Variants in RTN1 observed in about 807,000 individuals in gnomAD.
RTN1 encodes reticulon 1, also known as reticulon-1.
In RTN1, 25 loss-of-function variants were observed where a neutral mutation model predicts 65.5. The observed-to-expected ratio is 0.38, with a 90% CI of 0.28 to 0.53. The LOEUF (loss-of-function observed/expected upper bound fraction) is 0.53. RTN1 is among the 20% of genes least tolerant of loss of function. The probability of loss-of-function intolerance (pLI) is 0.79; values close to 1 mark genes in which losing one functional copy is unlikely to be tolerated. For missense variants in RTN1, 983 were observed against 1,025.4 expected, an observed-to-expected ratio of 0.96 and a Z score of 0.57; for synonymous variants, 471 against 447.6, an observed-to-expected ratio of 1.05 and a Z score of -0.66.
intron 3 of RTN1, among the ~76,000 whole-genome samples, chr14:59,639,196 A>G (rs1309074169): frequency 6.6e-6 from 1 of 152,226 alleles, no homozygotes; most frequent in Non-Finnish European, 1.5e-5. Flanking sequence ...GCCATCTTCT[A>G]TAGGTGCAGT....
Position 59,870,449 on chromosome 14 carries a change from C to A in RTN1, c.182G>T (p.Arg61Leu). The change falls in exon 1 of 9, where the codon CGG becomes CTG. Residue 61 changes from arginine to leucine, a missense_variant. By Grantham distance (102) the Arg-to-Leu change is moderately radical. Around this residue, in one of 2 missense-constraint regions of RTN1, gnomAD observed 818 missense variants for 801.8 expected, o/e 1.02. Transcript: ENST00000267484. This position sits in a 1 kb window ranked among gnomAD's most constrained non-coding sequence, Gnocchi z 5.1. ...CCGGGCGGGGCCCGAGCCGGCTTCCCGCGACGCCGCTTCCCGGGCCCTGGC... is the reference window on the plus strand; with the variant it reads ...CCGGGCGGGGCCCGAGCCGGCTTCCAGCGACGCCGCTTCCCGGGCCCTGGC... ...LGARAREAAS[R>L]EAGSGPARQS... The A allele has an allele frequency of 2.0e-6, 3 of 1,505,150 alleles. No homozygotes were observed. The highest frequency in any genetic ancestry group is 5.5e-5 in the East Asian group (2 of 36,144). The allele number at this position is 1,505,150 out of a possible 1,614,324, so 93.2% of individuals were successfully genotyped here.
chr14:59,662,281 C>G (rs1010654286), intron 3 of RTN1, among the ~76,000 whole-genome samples: 7 of 151,470 alleles, frequency 4.6e-5, no homozygotes, highest in Admixed American at 2.0e-4. Flanking sequence ...ATTTACATTA[C>G]GTATATCTCC....
intron 3 of RTN1, among the ~76,000 whole-genome samples, chr14:59,607,853 T>C (rs1881813563): frequency 6.6e-6 from 1 of 151,422 alleles, no homozygotes. Flanking sequence ...GAAGTACCAC[T>C]TCACTCCACT....
At chr14:59,717,569 C>T (rs866920128) in intron 3 of RTN1, among the ~76,000 whole-genome samples, 8 of 152,130 alleles carry the variant, frequency 5.3e-5, no homozygotes, top group African/African-American at 9.7e-5. Flanking sequence ...TCCTCTGTGT[C>T]GCCACCATAT....
chr14:59,829,548 T>C lies in RTN1; in HGVS notation c.241+40842A>G, dbSNP rs1887090392. On this transcript the variant is annotated intron_variant, in intron 1 of 8. Coordinates refer to ENST00000267484, the MANE Select transcript of RTN1 (RefSeq NM_021136.3). This position sits in a 1 kb window ranked among gnomAD's most constrained non-coding sequence, Gnocchi z 4.3. Reference sequence around the variant, plus strand: ...CAACTTCCTGTAAATCTATACTTACTGCACATTAAAAATATAAATAGATGG... The same window carrying C: ...CAACTTCCTGTAAATCTATACTTACCGCACATTAAAAATATAAATAGATGG... Among the ~76,000 whole-genome samples the C allele has an allele frequency of 6.6e-6, 1 of 152,250 alleles. No individual in the cohort carries two copies. The highest frequency in any genetic ancestry group is 6.5e-5 in the Admixed American group (1 of 15,288).
At chr14:59,631,866 G>C (rs1364782223) in intron 3 of RTN1, among the ~76,000 whole-genome samples, 2 of 152,104 alleles carry the variant, frequency 1.3e-5, no homozygotes, top group African/African-American at 2.4e-5. Flanking sequence ...TCATCTTGTG[G>C]CATGGCCTTA....
intron 1 of RTN1, among the ~76,000 whole-genome samples, chr14:59,785,090 T>C (rs148837453): frequency 6.6e-6 from 1 of 152,194 alleles, no homozygotes; most frequent in African/African-American, 2.4e-5. Context: ...ACTGGATAAA[T>C]CCCACAGTAG....
intron 3 of RTN1, 54 bp downstream of exon 3, chr14:59,726,865 C>G: frequency 6.7e-7 from 1 of 1,498,282 alleles, no homozygotes; most frequent in East Asian, 2.3e-5. Flanking sequence ...GCTGAATGCT[C>G]AGAGCACCCA....
At chr14:59,682,931 C>G (rs1327405286) in intron 3 of RTN1, among the ~76,000 whole-genome samples, 2 of 151,876 alleles carry the variant, frequency 1.3e-5, no homozygotes, top group African/African-American at 4.8e-5. Flanking sequence ...AGAGTGCAGG[C>G]AAAAGAAAGG....
At chr14:59,815,445 C>A (rs76674685) in intron 1 of RTN1, among the ~76,000 whole-genome samples, 197 of 152,308 alleles carry the variant, frequency 1.3e-3, no homozygotes, top group Non-Finnish European at 2.1e-3. Flanking sequence ...CTTTAAAAAT[C>A]TCCTCCTGAA....
At chr14:59,719,756 G>C (rs1189055948) in intron 3 of RTN1, among the ~76,000 whole-genome samples, 1 of 152,170 alleles carries the variant, frequency 6.6e-6, no homozygotes, top group Admixed American at 6.5e-5. Context: ...TAGTATTTGA[G>C]ACTAGAGAAT....
chr14:59,673,331 C>G (rs1451233728), intron 3 of RTN1, among the ~76,000 whole-genome samples: 1 of 152,010 alleles, frequency 6.6e-6, no homozygotes, highest in Non-Finnish European at 1.5e-5. Flanking sequence ...GGGAGTGGTA[C>G]CCAGTGGCTT....
chr14:59,764,657 A>G (rs1168575377), intron 1 of RTN1, among the ~76,000 whole-genome samples: 1 of 152,084 alleles, frequency 6.6e-6, no homozygotes, highest in Non-Finnish European at 1.5e-5. Flanking sequence ...TCACTATAAC[A>G]TTTTTTAAAA....
chr14:59,717,950 T>A (rs1884571750), intron 3 of RTN1, among the ~76,000 whole-genome samples: 1 of 152,222 alleles, frequency 6.6e-6, no homozygotes, highest in Non-Finnish European at 1.5e-5. Flanking sequence ...ATGAAGCAGA[T>A]GCATTAGCCC....
intron 2 of RTN1, among the ~76,000 whole-genome samples, chr14:59,735,207 A>G (rs1594709102): frequency 6.6e-6 from 1 of 152,254 alleles, no homozygotes; most frequent in East Asian, 1.9e-4. Flanking sequence ...AGTTATCACC[A>G]GGCCTGCCTT....
Position 59,596,658 on chromosome 14 carries a change from A to G in RTN1, c.*87T>C. On this transcript the variant is annotated 3_prime_UTR_variant, in exon 9 of 9. Transcript: ENST00000267484. ...ATGGTACTGGAGGGAGGGGGGAAAGACAATCAATTTGCAGTAATGAGTAAG... is the reference window on the plus strand; with the variant it reads ...ATGGTACTGGAGGGAGGGGGGAAAGGCAATCAATTTGCAGTAATGAGTAAG... 9.8e-7 allele frequency: 1 copy of G among 1,020,536 alleles called. No homozygotes were observed. The highest frequency in any genetic ancestry group is 1.6e-6 in the Non-Finnish European group (1 of 640,148). 63.2% of individuals were successfully genotyped at this position (1,020,536 alleles called of 1,614,324 possible).
chr14:59,760,064 G>A (rs915397965), intron 1 of RTN1, among the ~76,000 whole-genome samples: 4 of 152,066 alleles, frequency 2.6e-5, no homozygotes, highest in Non-Finnish European at 4.4e-5. Context: ...AAGGTCATAC[G>A]TTATAGCATA....
intron 3 of RTN1, among the ~76,000 whole-genome samples, chr14:59,611,337 T>C (rs1023109946): frequency 6.6e-6 from 1 of 152,234 alleles, no homozygotes; most frequent in Non-Finnish European, 1.5e-5. Context: ...TCTGGTATTC[T>C]TTCTACTGGC....
At chr14:59,651,671 G>A (rs888278755) in intron 3 of RTN1, among the ~76,000 whole-genome samples, 1 of 151,920 alleles carries the variant, frequency 6.6e-6, no homozygotes, top group Non-Finnish European at 1.5e-5. Context: ...CTGGGAGGTG[G>A]GCATTTCAGT....
Sources: gnomAD v4.1 joint callset for allele counts (sites outside exome capture counted in the v4.1 genomes callset) on GRCh38, gnomAD v4.1.1 for gene constraint, gnomAD v4.1.1 regional missense constraint, Gnocchi (gnomAD v3.1) non-coding constraint, MANE v1.5 for transcripts, NCBI Gene and HGNC (gene_info 2026-07-23, HGNC 2026-07-21) for gene names.